The following PLD5 variants were observed in gnomAD, a reference collection of about 807,000 sequenced individuals.
PLD5 encodes inactive phospholipase D5.
Under a neutral mutation model 61.1 loss-of-function variants are expected in PLD5, and 36 were observed. That is an observed-to-expected ratio of 0.59 (90% confidence interval 0.45 to 0.78). PLD5 has a LOEUF of 0.78. Among genes scored for constraint, PLD5 ranks in the 30% least tolerant of loss-of-function variants. PLD5 has a pLI of 0.00. For missense variants in PLD5, 515 were observed against 644.4 expected, an observed-to-expected ratio of 0.80 and a Z score of 2.17; for synonymous variants, 243 against 242.8, an observed-to-expected ratio of 1.00 and a Z score of -0.01.
Position 242,131,835 on chromosome 1 carries a change from C to CTTT in PLD5, c.736-7173_736-7171dup, listed in dbSNP as rs10694688. Among the ~76,000 whole-genome samples the CTTT allele has an allele frequency of 9.9e-3, 1,221 of 122,778 alleles. 47 individuals carry two copies. The highest frequency in any genetic ancestry group is 0.028 in the African/African-American group (897 of 32,102). The allele number at this position is 122,778 out of a possible 152,430, so 80.5% of individuals were successfully genotyped here. On this transcript the variant is annotated intron_variant, in intron 5 of 9. Transcript: ENST00000536534. ...CCAGAAAAGTATTTTTCTTTCTTTC[C>CTTT]TTTTTTTTTTTTTTTTTGAGATGGA...
chr1:242,115,656 TAAA>T (rs11311583), intron 6 of PLD5, among the ~76,000 whole-genome samples: 1 of 138,936 alleles, frequency 7.2e-6, no homozygotes, highest in Admixed American at 7.0e-5. Flanking sequence ...ACTCAAAATC[TAAA>T]AAAAAAAAAA....
At chr1:242,262,372 G>A (rs999839660) in intron 4 of PLD5, among the ~76,000 whole-genome samples, 6 of 152,156 alleles carry the variant, frequency 3.9e-5, no homozygotes, top group Admixed American at 2.0e-4. Context: ...GACCCGTGAC[G>A]GTTTTATGTG....
rs959931419 is a variant in PLD5, at chr1:242,087,759, A to C, written c.*2095T>G. Reference sequence around the variant, plus strand: ...CGCACCCAGGCTGCTTTCTTTTTAAAATCATCACCAAAGCCACGTTTACTT... The same window carrying C: ...CGCACCCAGGCTGCTTTCTTTTTAACATCATCACCAAAGCCACGTTTACTT... On this transcript the variant is annotated 3_prime_UTR_variant, in exon 10 of 10. Transcript: ENST00000536534. The C allele has an allele frequency of 6.6e-6, 1 of 152,204 alleles. No homozygotes were observed. The highest frequency in any genetic ancestry group is 1.5e-5 in the Non-Finnish European group (1 of 68,052). 9.4% of individuals were successfully genotyped at this position (152,204 alleles called of 1,614,324 possible).
intron 5 of PLD5, among the ~76,000 whole-genome samples, chr1:242,199,696 C>T (rs578189569): frequency 6.6e-6 from 1 of 152,186 alleles, no homozygotes; most frequent in African/African-American, 2.4e-5. Flanking sequence ...TCCCCACTGT[C>T]CATCATTCCA....
In PLD5 at chr1:242,191,993, G is replaced by C. The variant is rs868584671; in HGVS notation, c.735+27995C>G. ...GACTGGCTTGGGCACTGCCAAACAG[G>C]CAGACAGCAGATGCGTAACCAGTAT... On this transcript the variant is annotated intron_variant, in intron 5 of 9. Coordinates refer to ENST00000536534, the MANE Select transcript of PLD5 (RefSeq NM_001372062.1). 5.3e-5 allele frequency among the ~76,000 whole-genome samples: 8 copies of C among 152,342 alleles called. No individual in the cohort carries two copies. The Middle Eastern group carries it at 0.01, about 194-fold the overall frequency.
At chr1:242,459,855 G>A (rs1667062119) in intron 1 of PLD5, among the ~76,000 whole-genome samples, 1 of 152,086 alleles carries the variant, frequency 6.6e-6, no homozygotes, top group African/African-American at 2.4e-5. Context: ...GATGCATGGG[G>A]GGCGCCTGTC....
chr1:242,096,117 C>A (rs1359993876), intron 9 of PLD5, among the ~76,000 whole-genome samples: 1 of 151,962 alleles, frequency 6.6e-6, no homozygotes, highest in Non-Finnish European at 1.5e-5. Context: ...CGCCACCACA[C>A]CCAGCTAATT....
rs1210639780 is a variant in PLD5 at position 242,241,910 on chromosome 1, T to TATATATATATAC, written c.608-21796_608-21795insGTATATATATAT. On this transcript the variant is annotated intron_variant, in intron 4 of 9. Transcript: ENST00000536534. ...ATATATATATATATATATATATATA[T>TATATATATATAC]ACTTACTGTATATATATATACGCTT... 1.1e-3 allele frequency among the ~76,000 whole-genome samples: 55 copies of TATATATATATAC among 50,388 alleles called. 2 individuals carry two copies. Among genetic ancestry groups the TATATATATATAC allele is most frequent in the African/African-American group, 1.7e-3 (21 of 12,304 alleles). 33.1% of individuals were successfully genotyped at this position (50,388 alleles called of 152,430 possible).
chr1:242,198,701 C>CAAA (rs10603005), intron 5 of PLD5, among the ~76,000 whole-genome samples: 19 of 51,516 alleles, frequency 3.7e-4, no homozygotes, highest in South Asian at 7.2e-4. Flanking sequence ...AAGTCCTTAG[C>CAAA]AAAAAAAAAA....
At chr1:242,124,385 A>G (rs955599469) in intron 6 of PLD5, 83 bp downstream of exon 6, 92 of 1,384,856 alleles carry the variant, frequency 6.6e-5, no homozygotes, top group Non-Finnish European at 8.4e-5. Flanking sequence ...TGCCCAATAC[A>G]AGATCACACT....
At chr1:242,254,445 G>A (rs545462346) in intron 4 of PLD5, among the ~76,000 whole-genome samples, 14 of 152,152 alleles carry the variant, frequency 9.2e-5, no homozygotes, top group African/African-American at 2.7e-4. Flanking sequence ...TGAGGCAGGC[G>A]GATCACCTGA....
At chr1:242,185,408 C>A (rs1007711475) in intron 5 of PLD5, among the ~76,000 whole-genome samples, 6 of 152,052 alleles carry the variant, frequency 3.9e-5, no homozygotes, top group Non-Finnish European at 8.8e-5. Context: ...TATTTGGGAG[C>A]ATTATGACCA....
chr1:242,453,859 C>A (rs1276324750), intron 1 of PLD5, among the ~76,000 whole-genome samples: 1 of 152,150 alleles, frequency 6.6e-6, no homozygotes, highest in African/African-American at 2.4e-5. Flanking sequence ...AACCCCTAGT[C>A]CTATCTTCCT....
chr1:242,383,535 A>G (rs898197138), intron 1 of PLD5, among the ~76,000 whole-genome samples: 1 of 150,048 alleles, frequency 6.7e-6, no homozygotes, highest in South Asian at 2.1e-4. Flanking sequence ...TTTCTGTTAA[A>G]TTTTTTCTTT....
chr1:242,332,635 G>A (rs2149203229), intron 2 of PLD5, among the ~76,000 whole-genome samples: 1 of 152,298 alleles, frequency 6.6e-6, no homozygotes, highest in South Asian at 2.1e-4. Flanking sequence ...CTAATGACCA[G>A]TGCAATGCCT....
At chr1:242,190,138 C>CTTTTTTTTT (rs902616187) in intron 5 of PLD5, among the ~76,000 whole-genome samples, 2 of 74,402 alleles carry the variant, frequency 2.7e-5, no homozygotes, top group Non-Finnish European at 4.6e-5. Context: ...GACAGGACTC[C>CTTTTTTTTT]TTTTTTTTTT....
At chr1:242,220,196 C>T in intron 4 of PLD5, 81 bp from the exon 5 acceptor site, 2 of 1,525,832 alleles carry the variant, frequency 1.3e-6, no homozygotes, top group East Asian at 2.3e-5. Flanking sequence ...TGGAAATATT[C>T]ATGGTTCACC....
In PLD5 at chr1:242,436,920, GC is replaced by G. The variant is rs571410429; in HGVS notation, c.189+87167del. Among the ~76,000 whole-genome samples, 19 of 152,266 alleles carry G rather than the reference GC, an allele frequency of 1.2e-4. No individual in the cohort carries two copies. The South Asian group carries it at 3.7e-3, about 30-fold the overall frequency. On this transcript the variant is annotated intron_variant, in intron 1 of 9. Transcript: ENST00000536534. ...TAGAAATTTAAAAGAACAAAAAGAAGCCTCTTGGAATTATGGATTTGGATTA... is the reference window on the plus strand; with the variant it reads ...TAGAAATTTAAAAGAACAAAAAGAAGCTCTTGGAATTATGGATTTGGATTA...
At chr1:242,173,456 G>T (rs566676504) in intron 5 of PLD5, among the ~76,000 whole-genome samples, 1 of 152,072 alleles carries the variant, frequency 6.6e-6, no homozygotes, top group African/African-American at 2.4e-5. Context: ...AATCAATATC[G>T]TGAAAATGGC....
Sources: allele counts gnomAD v4.1 joint callset (sites outside exome capture counted in the v4.1 genomes callset), GRCh38; gene constraint gnomAD v4.1.1; transcripts MANE v1.5; gene names NCBI Gene and HGNC (gene_info 2026-07-23, HGNC 2026-07-21).